Variants in CABYR observed in about 807,000 individuals in gnomAD.
CABYR encodes calcium binding tyrosine phosphorylation regulated.
Under a neutral mutation model 36.1 loss-of-function variants are expected in CABYR, and 31 were observed. That is an observed-to-expected ratio of 0.86 (90% CI 0.64 to 1.16). The LOEUF is 1.16. Ranked by LOEUF, CABYR falls within the 50% of genes most tolerant of loss-of-function variation. The pLI is 0.00. For synonymous variants in CABYR, 146 were observed against 160.7 expected, an observed-to-expected ratio of 0.91 and a Z score of 0.69; for missense variants, 429 against 455.8, an observed-to-expected ratio of 0.94 and a Z score of 0.53.
intron 1 of CABYR, among the ~76,000 whole-genome samples, chr18:24,139,322 C>G (rs1167862061): frequency 2.0e-5 from 3 of 152,166 alleles, no homozygotes; most frequent in East Asian, 3.9e-4. Context: ...TCGGTGGGTC[C>G]GTCGCCCGCC....
intron 1 of CABYR, chr18:24,139,708 A>G (rs1034463004): frequency 1.3e-5 from 2 of 152,236 alleles, no homozygotes; most frequent in Non-Finnish European, 2.9e-5. Context: ...TTACCCGTTG[A>G]CTTTTCTCAG....
chr18:24,157,628 GC>G (rs1452896091), intron 4 of CABYR, among the ~76,000 whole-genome samples: 1 of 152,162 alleles, frequency 6.6e-6, no homozygotes, highest in Non-Finnish European at 1.5e-5. Context: ...CCCGGCACTT[GC>G]GGCACTTGAA....
chr18:24,149,660 G>T (rs2085562741), intron 3 of CABYR, among the ~76,000 whole-genome samples: 1 of 152,234 alleles, frequency 6.6e-6, no homozygotes, highest in Non-Finnish European at 1.5e-5. Flanking sequence ...TGGGTGGGAG[G>T]CTCAGGCATG....
rs176090 is a variant in CABYR, at chr18:24,143,168, C to G, written c.54C>G (p.Leu18=). 6.2e-7 allele frequency: 1 copy of G among 1,613,524 alleles called. No individual in the cohort carries two copies. The highest frequency in any genetic ancestry group is 1.7e-5 in the Admixed American group (1 of 59,974). The change falls in exon 2 of 6, where the codon CTC becomes CTG. Residue 18 remains leucine (L), a synonymous_variant. Transcript: ENST00000399496. ...TACCCTATGGCCTCAAGACTCTGCT[C>G]GAGGGAATTAGCAGAGCTGTTCTCA... The part of the protein sequence containing the change: ...LVVPYGLKTL[L]EGISRAVLKT...
rs138693096 is a variant in CABYR at position 24,156,438 on chromosome 18, C to G, written c.541+396C>G. The G allele has an allele frequency of 7.1e-5, 115 of 1,614,104 alleles. No individual in the cohort carries two copies. In the African/African-American group the frequency reaches 1.5e-3, roughly 21 times the overall value. ...AGGAGTTGTTTATATCGAGCAACTG[C>G]CAGAACAAATAGTTATCCCTTTTAC... On this transcript the variant is annotated intron_variant, in intron 4 of 5. Transcript: ENST00000399496.
intron 3 of CABYR, among the ~76,000 whole-genome samples, chr18:24,154,815 C>T (rs1015264159): frequency 6.6e-6 from 1 of 152,162 alleles, no homozygotes; most frequent in African/African-American, 2.4e-5. Flanking sequence ...TATATGTCAT[C>T]AGCTGTTGTG....
In CABYR at chr18:24,156,223, T is replaced by C. The variant is rs1323609959; in HGVS notation, c.541+181T>C. On this transcript the variant is annotated intron_variant, in intron 4 of 5. Transcript: ENST00000399496. ...GTGCAGGTTGTGAACCAAACATCTGTCCATGTAGATTTGGGTTCTCAACCT... is the reference window on the plus strand; with the variant it reads ...GTGCAGGTTGTGAACCAAACATCTGCCCATGTAGATTTGGGTTCTCAACCT... 31 of 1,613,994 alleles carry C rather than the reference T, an allele frequency of 1.9e-5. No homozygotes were observed. The Admixed American group carries it at 5.2e-4, about 27-fold the overall frequency.
chr18:24,153,450 G>C (rs1308389471), intron 3 of CABYR, among the ~76,000 whole-genome samples: 2 of 152,154 alleles, frequency 1.3e-5, no homozygotes, highest in Non-Finnish European at 2.9e-5. Flanking sequence ...CCTTGGGTCT[G>C]GAGTCCCAGG....
In CABYR at chr18:24,159,899, C is replaced by A. The variant is rs758324590; in HGVS notation, c.969C>A (p.Val323=). ...CTAATCCTCCAAGTGGACAAGATGT[C>A]CCCAGGCCAAAAAGCCCTGTTTTCC... The part of the protein sequence containing the change: ...QNANPPSGQD[V]PRPKSPVFLS... Residue 323 remains valine, a synonymous_variant, in exon 5 of 6, where the codon GTC becomes GTA. Coordinates refer to ENST00000399496, the MANE Select transcript of CABYR (RefSeq NM_153769.3). 3.1e-6 allele frequency: 5 copies of A among 1,614,000 alleles called. No homozygotes were observed.
intron 3 of CABYR, among the ~76,000 whole-genome samples, chr18:24,146,670 C>T (rs906872987): frequency 3.3e-5 from 5 of 152,126 alleles, no homozygotes; most frequent in African/African-American, 1.2e-4. Context: ...GTCTAATGAA[C>T]CCATGGCAGG....
chr18:24,155,701 T>A lies in CABYR; in HGVS notation c.200T>A (p.Val67Glu). The change falls in exon 4 of 6, where the codon GTA (valine) becomes GAA (glutamate). Residue 67 changes from valine to glutamate, a missense_variant and splice_region_variant. Coordinates refer to ENST00000399496, the MANE Select transcript of CABYR (RefSeq NM_153769.3). The stretch of plus-strand genomic sequence containing the variant: ...AACCCATCTGGTTGTTGTTTTTCAG[T>A]AGAGAAATGGTCAGAAGGAACGACA... ...DLVKQFHQIKVEKWSEGTTPQ... is the reference protein window; with the variant it reads ...DLVKQFHQIKEEKWSEGTTPQ... 1 of 1,571,230 alleles carries A rather than the reference T, an allele frequency of 6.4e-7. No homozygotes were observed. The highest frequency in any genetic ancestry group is 8.6e-7 in the Non-Finnish European group (1 of 1,162,542).
At position 24,156,172 on chromosome 18, in the gene CABYR, T is replaced by C; in HGVS notation, c.541+130T>C. On this transcript the variant is annotated intron_variant, in intron 4 of 5. Transcript: ENST00000399496. ...GAAGATGTCATGGTGGCTGCTCCTC[T>C]TGTGTGTTCTGGAAAGGTGCTAGAA... is the stretch of plus-strand genomic sequence containing the variant. The C allele has an allele frequency of 3.7e-6, 6 of 1,614,172 alleles. No homozygotes were observed. In the South Asian group the frequency reaches 6.6e-5, roughly 18 times the overall value.
intron 4 of CABYR, among the ~76,000 whole-genome samples, chr18:24,157,650 T>C (rs1185296457): frequency 6.6e-6 from 1 of 151,624 alleles, no homozygotes; most frequent in Admixed American, 6.6e-5. Context: ...CAGCAATAGA[T>C]GCAGTTCACG....
chr18:24,140,815 C>G (rs1348807167), intron 1 of CABYR, among the ~76,000 whole-genome samples: 1 of 151,736 alleles, frequency 6.6e-6, no homozygotes, highest in Non-Finnish European at 1.5e-5. Context: ...CTGTGCCTCA[C>G]TTACTTCATT....
Position 24,159,987 on chromosome 18 carries a change from G to C in CABYR, c.1057G>C (p.Ala353Pro). 6.2e-7 allele frequency: 1 copy of C among 1,614,136 alleles called. No homozygotes were observed. Among genetic ancestry groups the C allele is most frequent in the Non-Finnish European group, 8.5e-7 (1 of 1,180,030 alleles). The change falls in exon 5 of 6, where the codon GCT becomes CCT. Residue 353 changes from alanine to proline, a missense_variant. Coordinates refer to ENST00000399496, the MANE Select transcript of CABYR (RefSeq NM_153769.3). ...AAGTTCAGGATCTGGTGACAAATGT[G>C]CTCCCTTTGGAAGTTACGGTATTGC... ...KKSSGSGDKC[A>P]PFGSYGIAGE...
intron 1 of CABYR, chr18:24,140,395 C>G (rs1183154672): frequency 2.0e-5 from 3 of 152,076 alleles, no homozygotes; most frequent in Admixed American, 1.3e-4. Context: ...TGTGGGACTG[C>G]GGAATCCCCA....
At chr18:24,146,897 A>G (rs1241226412) in intron 3 of CABYR, among the ~76,000 whole-genome samples, 1 of 152,212 alleles carries the variant, frequency 6.6e-6, no homozygotes, top group Non-Finnish European at 1.5e-5. Flanking sequence ...ATATATACCC[A>G]GGGAATATAT....
Position 24,159,666 on chromosome 18 carries a change from A to G in CABYR, c.736A>G (p.Thr246Ala). 4 of 1,613,396 alleles carry G rather than the reference A, an allele frequency of 2.5e-6. No homozygotes were observed. The highest frequency in any genetic ancestry group is 3.4e-6 in the Non-Finnish European group (4 of 1,179,802). ...QQHPPKVTFP[T>A]YVMGDTKKTS... is the part of the protein sequence containing the mutation. ...GCATCCACCAAAAGTCACTTTTCCA[A>G]CTTATGTGATGGGCGACACCAAGAA... is the stretch of plus-strand genomic sequence containing the variant. The change falls in exon 5 of 6, where the codon ACT becomes GCT. Residue 246 changes from threonine (T) to alanine (A), a missense_variant. Physicochemically the swap from Thr to Ala is moderately conservative, Grantham distance 58. Transcript: ENST00000399496.
rs529804976 is a variant in CABYR at position 24,149,544 on chromosome 18, C to T, written c.199+6131C>T. Among the ~76,000 whole-genome samples the T allele has an allele frequency of 4.7e-4, 72 of 152,360 alleles. 1 individual carries two copies. Among genetic ancestry groups the T allele is most frequent in the African/African-American group, 1.6e-3 (66 of 41,588 alleles). ...TGGAGCTGCCTGCCAGTCCTGGTGC[C>T]GTGCGCCTGCACTCCTCAGCCCTTG... On this transcript the variant is annotated intron_variant, in intron 3 of 5. Coordinates refer to ENST00000399496, the MANE Select transcript of CABYR (RefSeq NM_153769.3).
Sources: allele counts gnomAD v4.1 joint callset (sites outside exome capture counted in the v4.1 genomes callset), GRCh38; gene constraint gnomAD v4.1.1; transcripts MANE v1.5; gene names NCBI Gene and HGNC (gene_info 2026-07-23, HGNC 2026-07-21).